ZDHHC14: variants seen among roughly 807,000 people sequenced by gnomAD.
ZDHHC14 encodes palmitoyltransferase ZDHHC14.
ZDHHC14 carries 16 observed loss-of-function variants against 47.7 expected under a neutral mutation model. The observed-to-expected ratio is 0.34, with a 90% CI of 0.23 to 0.51. The LOEUF is 0.51. ZDHHC14 is among the 20% of genes least tolerant of loss of function. The pLI is 0.97. For synonymous variants in ZDHHC14, 293 were observed against 278.9 expected, an observed-to-expected ratio of 1.05 and a Z score of -0.50; for missense variants, 515 against 662.5, an observed-to-expected ratio of 0.78 and a Z score of 2.44.
At chr6:157,584,271 AC>A (rs1161191657) in intron 2 of ZDHHC14, among the ~76,000 whole-genome samples, 1 of 152,092 alleles carries the variant, frequency 6.6e-6, no homozygotes, top group African/African-American at 2.4e-5. Flanking sequence ...ATGGGGGCTC[AC>A]AGGGAAGAGA....
At chr6:157,573,162 T>A (rs1292575091) in intron 2 of ZDHHC14, among the ~76,000 whole-genome samples, 2 of 152,024 alleles carry the variant, frequency 1.3e-5, no homozygotes, top group East Asian at 3.9e-4. Context: ...CCCCTTTCTT[T>A]CGGCCCCACT....
intron 8 of ZDHHC14, among the ~76,000 whole-genome samples, chr6:157,658,097 T>G (rs76271467): frequency 6.6e-6 from 1 of 152,260 alleles, no homozygotes. Flanking sequence ...ATTATCCCCC[T>G]GAGACCCATG....
intron 8 of ZDHHC14, among the ~76,000 whole-genome samples, chr6:157,672,388 A>G (rs564443948): frequency 8.6e-4 from 131 of 152,326 alleles, no homozygotes; most frequent in Middle Eastern, 3.4e-3. Flanking sequence ...ACTGCTGTAG[A>G]TGGCCTGTGA....
At chr6:157,432,993 C>G (rs1414116272) in intron 1 of ZDHHC14, among the ~76,000 whole-genome samples, 1 of 152,260 alleles carries the variant, frequency 6.6e-6, no homozygotes, top group East Asian at 1.9e-4. Flanking sequence ...GCGCTGAAAT[C>G]CCCGGCGTGG....
At chr6:157,403,715 G>A (rs898485842) in intron 1 of ZDHHC14, among the ~76,000 whole-genome samples, 2 of 152,266 alleles carry the variant, frequency 1.3e-5, no homozygotes, top group African/African-American at 2.4e-5. Context: ...CTGATTAGCT[G>A]AGCAGAGCTC....
intron 1 of ZDHHC14, among the ~76,000 whole-genome samples, chr6:157,468,883 G>C (rs141414964): frequency 2.0e-5 from 3 of 152,308 alleles, no homozygotes; most frequent in Non-Finnish European, 2.9e-5. Context: ...ACGTGGCGCA[G>C]GATTTAAGAT....
intron 1 of ZDHHC14, among the ~76,000 whole-genome samples, chr6:157,404,740 T>C (rs1777710206): frequency 1.3e-5 from 2 of 152,360 alleles, no homozygotes; most frequent in Admixed American, 6.5e-5. Flanking sequence ...TTAGATAACT[T>C]GTTTTTAAAT....
At chr6:157,544,031 A>G (rs886472900) in intron 2 of ZDHHC14, among the ~76,000 whole-genome samples, 1 of 152,246 alleles carries the variant, frequency 6.6e-6, no homozygotes, top group East Asian at 1.9e-4. Context: ...AGATAAGGAA[A>G]CAAAGCCCCC....
At chr6:157,517,767 C>T (rs1003495001) in intron 1 of ZDHHC14, among the ~76,000 whole-genome samples, 1 of 152,256 alleles carries the variant, frequency 6.6e-6, no homozygotes, top group Admixed American at 6.5e-5. Flanking sequence ...CTCACGGCCG[C>T]CTACCATCTG....
At chr6:157,395,161 A>G (rs1777495239) in intron 1 of ZDHHC14, among the ~76,000 whole-genome samples, 1 of 149,526 alleles carries the variant, frequency 6.7e-6, no homozygotes, top group Admixed American at 6.7e-5. Context: ...CTCTATTTTT[A>G]TTTTTATTTA....
chr6:157,523,391 T>G (rs752850004), intron 1 of ZDHHC14, among the ~76,000 whole-genome samples: 50 of 152,274 alleles, frequency 3.3e-4, no homozygotes, highest in South Asian at 1.2e-3. Flanking sequence ...CTATTGACTT[T>G]TTGTTTTCCT....
chr6:157,526,365 C>T (rs1227793760), intron 1 of ZDHHC14, among the ~76,000 whole-genome samples: 1 of 152,130 alleles, frequency 6.6e-6, no homozygotes, highest in Non-Finnish European at 1.5e-5. Context: ...CCGGCGTCCA[C>T]TCCCAGTGCC....
intron 1 of ZDHHC14, among the ~76,000 whole-genome samples, chr6:157,482,745 A>ATTTTTT (rs201329274): frequency 7.4e-6 from 1 of 135,580 alleles, no homozygotes; most frequent in Non-Finnish European, 1.6e-5. Flanking sequence ...TGTCAAAATC[A>ATTTTTT]TTTTTTTTTT....
chr6:157,404,173 G>T (rs1022582143), intron 1 of ZDHHC14, among the ~76,000 whole-genome samples: 1 of 152,168 alleles, frequency 6.6e-6, no homozygotes. Context: ...GTCTCGCTCT[G>T]TCACCCAGGC....
intron 1 of ZDHHC14, among the ~76,000 whole-genome samples, chr6:157,430,425 C>T (rs1778315616): frequency 6.6e-6 from 1 of 151,942 alleles, no homozygotes; most frequent in African/African-American, 2.4e-5. Context: ...CTGCATTCTT[C>T]CTGGAGGCCC....
intron 1 of ZDHHC14, among the ~76,000 whole-genome samples, chr6:157,523,399 C>T (rs1781031112): frequency 6.6e-6 from 1 of 151,988 alleles, no homozygotes; most frequent in Non-Finnish European, 1.5e-5. Context: ...TTTTTGTTTT[C>T]CTTTTTGTGT....
At chr6:157,393,950 T>C (rs1191517438) in intron 1 of ZDHHC14, among the ~76,000 whole-genome samples, 3 of 152,214 alleles carry the variant, frequency 2.0e-5, no homozygotes, top group African/African-American at 7.2e-5. Flanking sequence ...TGTCCCCTGC[T>C]TAGAGCACCT....
In ZDHHC14 at chr6:157,579,188, G is replaced by GTGT. The variant is rs756791868; in HGVS notation, c.407-13798_407-13796dup. Among the ~76,000 whole-genome samples, 43 of 89,204 alleles carry GTGT rather than the reference G, an allele frequency of 4.8e-4. 1 individual carries two copies. Among genetic ancestry groups the GTGT allele is most frequent in the Admixed American group, 1.2e-3 (10 of 8,020 alleles). The allele number at this position is 89,204 out of a possible 152,430, so 58.5% of individuals were successfully genotyped here. A position where few individuals can be genotyped will look rare whatever the true frequency, so the allele number is the denominator to read the frequency against. On this transcript the variant is annotated intron_variant, in intron 2 of 8. Coordinates refer to ENST00000359775, the MANE Select transcript of ZDHHC14 (RefSeq NM_024630.3). ...TGGCCATTTTAATGATATTGATTCT[G>GTGT]TGTTTTTTTTTTTTTTTTTTTTTTT...
chr6:157,437,398 G>A (rs1336061335), intron 1 of ZDHHC14, among the ~76,000 whole-genome samples: 1 of 152,238 alleles, frequency 6.6e-6, no homozygotes, highest in Non-Finnish European at 1.5e-5. Context: ...GTGCTGAGCT[G>A]TGCTCCCGAG....
Sources: gnomAD v4.1 joint callset for allele counts (sites outside exome capture counted in the v4.1 genomes callset) on GRCh38, gnomAD v4.1.1 for gene constraint, MANE v1.5 for transcripts, NCBI Gene and HGNC (gene_info 2026-07-23, HGNC 2026-07-21) for gene names.